The following CNTN6 variants were observed in gnomAD, a reference collection of about 807,000 sequenced individuals.
The protein encoded by CNTN6 is contactin-6.
In CNTN6, 137 loss-of-function variants were observed where a neutral mutation model predicts 122.8. That is an observed-to-expected ratio of 1.12 (90% CI 0.97 to 1.29). CNTN6 has a LOEUF of 1.29. Among genes scored for constraint, CNTN6 ranks in the 50% most tolerant of loss-of-function variants. CNTN6 has a pLI of 0.00. For missense variants in CNTN6, 1,634 were observed against 1,223.4 expected (o/e 1.34, Z -5.01); for synonymous variants, 570 against 426.0 (o/e 1.34, Z -4.16).
chr3:1,295,247 C>T (rs1164340831), intron 5 of CNTN6, among the ~76,000 whole-genome samples: 1 of 152,152 alleles, frequency 6.6e-6, no homozygotes, highest in Admixed American at 6.5e-5. Flanking sequence ...TTTGAAGCAG[C>T]ATAAGTTTTT....
chr3:1,289,004 C>A (rs548354270), intron 5 of CNTN6, among the ~76,000 whole-genome samples: 2 of 152,312 alleles, frequency 1.3e-5, no homozygotes, highest in African/African-American at 2.4e-5. Context: ...AGCTCTAATG[C>A]TACTGCTGAC....
At chr3:1,283,968 C>A (rs988553992) in intron 5 of CNTN6, among the ~76,000 whole-genome samples, 1 of 152,212 alleles carries the variant, frequency 6.6e-6, no homozygotes, top group African/African-American at 2.4e-5. Context: ...CTTTGCACTC[C>A]AGCCTGGGGG....
chr3:1,262,013 T>G (rs1304540864), intron 4 of CNTN6, among the ~76,000 whole-genome samples: 1 of 152,106 alleles, frequency 6.6e-6, no homozygotes, highest in Non-Finnish European at 1.5e-5. Flanking sequence ...ATCCTTCAAA[T>G]AAATGAAAAA....
chr3:1,330,061 C>A (rs955712417), intron 11 of CNTN6, 126 bp downstream of exon 11: 4 of 568,866 alleles, frequency 7.0e-6, no homozygotes, highest in Non-Finnish European at 1.1e-5. Flanking sequence ...TACCTAGAGA[C>A]GCCAGCATTC....
chr3:1,135,865 G>A (rs952376114), intron 1 of CNTN6, among the ~76,000 whole-genome samples: 4 of 152,124 alleles, frequency 2.6e-5, no homozygotes, highest in Middle Eastern at 3.4e-3. Context: ...GGTGGTGAGC[G>A]CCTGTAATCC....
At chr3:1,329,135 C>T (rs1360178252) in intron 10 of CNTN6, among the ~76,000 whole-genome samples, 2 of 150,842 alleles carry the variant, frequency 1.3e-5, no homozygotes, top group East Asian at 3.9e-4. Flanking sequence ...GTTTCTTCAA[C>T]ATCATATGTT....
intron 4 of CNTN6, among the ~76,000 whole-genome samples, chr3:1,231,855 G>T (rs192288688): frequency 4.6e-5 from 7 of 152,082 alleles, no homozygotes; most frequent in Non-Finnish European, 7.4e-5. Context: ...GTCACCAAAG[G>T]CTTCTGTTAT....
At chr3:1,341,040 A>G (rs1703807120) in intron 11 of CNTN6, among the ~76,000 whole-genome samples, 1 of 152,130 alleles carries the variant, frequency 6.6e-6, no homozygotes, top group African/African-American at 2.4e-5. Flanking sequence ...AAATCACACA[A>G]TAGGTTCATA....
At chr3:1,212,350 C>T (rs2094053549) in intron 2 of CNTN6, among the ~76,000 whole-genome samples, 1 of 150,450 alleles carries the variant, frequency 6.6e-6, no homozygotes, top group African/African-American at 2.4e-5. Flanking sequence ...AGGTGTGAGC[C>T]ACCATGCCCA....
At chr3:1,207,781 T>C (rs781002562) in intron 2 of CNTN6, among the ~76,000 whole-genome samples, 40 of 152,124 alleles carry the variant, frequency 2.6e-4, no homozygotes, top group Non-Finnish European at 4.9e-4. Flanking sequence ...AAATAAATGA[T>C]TGTTCAGTAA....
At chr3:1,399,573 C>G (rs1248581000) in intron 20 of CNTN6, among the ~76,000 whole-genome samples, 10 of 151,936 alleles carry the variant, frequency 6.6e-5, no homozygotes, top group Non-Finnish European at 1.5e-4. Context: ...TGAGTCTGAC[C>G]ACGGCAATTG....
chr3:1,287,987 C>G (rs1440209855), intron 5 of CNTN6, among the ~76,000 whole-genome samples: 3 of 152,222 alleles, frequency 2.0e-5, no homozygotes, highest in Non-Finnish European at 4.4e-5. Context: ...AACTTGCTTT[C>G]ACTTTACAGT....
chr3:1,388,403 C>T (rs917261083), intron 20 of CNTN6, among the ~76,000 whole-genome samples: 2 of 150,692 alleles, frequency 1.3e-5, no homozygotes, highest in African/African-American at 4.9e-5. Flanking sequence ...ACACCAAAAA[C>T]CCATCTGTAC....
chr3:1,248,146 T>C (rs896151683), intron 4 of CNTN6, among the ~76,000 whole-genome samples: 1 of 152,226 alleles, frequency 6.6e-6, no homozygotes, highest in Non-Finnish European at 1.5e-5. Context: ...TGAGCATTCC[T>C]TCATGTGCTT....
chr3:1,258,358 A>T (rs990869153), intron 4 of CNTN6, among the ~76,000 whole-genome samples: 1 of 152,144 alleles, frequency 6.6e-6, no homozygotes, highest in Non-Finnish European at 1.5e-5. Context: ...AGTGAGCAAG[A>T]CAAAAGATAG....
At chr3:1,139,094 A>C (rs1559382375) in intron 1 of CNTN6, among the ~76,000 whole-genome samples, 1 of 152,102 alleles carries the variant, frequency 6.6e-6, no homozygotes, top group Non-Finnish European at 1.5e-5. Context: ...TTTGCAAATA[A>C]AGTTTTTATT....
At chr3:1,106,802 AC>A (rs1362060105) in intron 1 of CNTN6, among the ~76,000 whole-genome samples, 1 of 152,080 alleles carries the variant, frequency 6.6e-6, no homozygotes, top group Non-Finnish European at 1.5e-5. Flanking sequence ...GAAGCCAAAA[AC>A]ATAACCAAAA....
At chr3:1,314,821 A>C (rs1245748883) in intron 7 of CNTN6, among the ~76,000 whole-genome samples, 2 of 152,108 alleles carry the variant, frequency 1.3e-5, no homozygotes, top group Non-Finnish European at 2.9e-5. Context: ...CACAATTGTG[A>C]AGAATCACAT....
chr3:1,093,223 C>T (rs1055479719), intron 1 of CNTN6, 103 bp downstream of exon 1: 3 of 182,124 alleles, frequency 1.6e-5, no homozygotes, highest in South Asian at 2.2e-4. Flanking sequence ...ATTAGCATAA[C>T]AGGTAAAAGC....
Sources: allele counts gnomAD v4.1 joint callset (sites outside exome capture counted in the v4.1 genomes callset), GRCh38; gene constraint gnomAD v4.1.1; transcripts MANE v1.5; gene names NCBI Gene and HGNC (gene_info 2026-07-23, HGNC 2026-07-21).